SMU1: variants seen among roughly 807,000 people sequenced by gnomAD.
SMU1 encodes the protein WD40 repeat-containing protein SMU1.
Under a neutral mutation model 62.0 loss-of-function variants are expected in SMU1, and 2 were observed. That is an observed-to-expected ratio of 0.03 (90% CI 0.01 to 0.10). The LOEUF is 0.10. Ranked by LOEUF, SMU1 falls within the 10% of genes least tolerant of loss-of-function variation. The pLI is 1.00. For missense variants in SMU1, 227 were observed against 622.1 expected, an observed-to-expected ratio of 0.36 and a Z score of 6.76; for synonymous variants, 188 against 212.4, an observed-to-expected ratio of 0.89 and a Z score of 1.00.
rs758515432 is a variant in SMU1, at chr9:33,076,613, G to C, written c.-5C>G. On this transcript the variant is annotated 5_prime_UTR_variant, in exon 1 of 12. Transcript: ENST00000397149. ...AGATTCGATTTCGATCGACATAGCC[G>C]TATCTCTCCGGGAGCAGGCCCCAGC... is the stretch of plus-strand genomic sequence containing the variant. The C allele has an allele frequency of 1.2e-6, 2 of 1,613,750 alleles. No homozygotes were observed. The highest frequency in any genetic ancestry group is 1.3e-5 in the African/African-American group (1 of 74,928).
intron 10 of SMU1, among the ~76,000 whole-genome samples, chr9:33,049,934 C>T (rs1839225220): frequency 6.6e-6 from 1 of 151,772 alleles, no homozygotes; most frequent in Non-Finnish European, 1.5e-5. Context: ...CAAGACCCTG[C>T]CTCAAAAACA....
chr9:33,068,736 C>A, intron 4 of SMU1, 88 bp downstream of exon 4: 1 of 1,477,586 alleles, frequency 6.8e-7, no homozygotes, highest in Non-Finnish European at 9.2e-7. Context: ...AACTACTAGG[C>A]TCAAGTGATT....
At chr9:33,072,960 G>T (rs1409106072) in intron 2 of SMU1, among the ~76,000 whole-genome samples, 1 of 151,336 alleles carries the variant, frequency 6.6e-6, no homozygotes, top group Non-Finnish European at 1.5e-5. Flanking sequence ...TCTGATCTTT[G>T]TCCTAGGTTC....
chr9:33,070,157 T>C (rs1323414942), intron 3 of SMU1, among the ~76,000 whole-genome samples: 1 of 151,892 alleles, frequency 6.6e-6, no homozygotes, highest in Non-Finnish European at 1.5e-5. Context: ...ACCCAGAATA[T>C]ATAAGGAGCT....
At chr9:33,056,311 C>A in intron 8 of SMU1, 72 bp from the exon 9 acceptor site, 1 of 1,416,302 alleles carries the variant, frequency 7.1e-7, no homozygotes. Context: ...CGATTGAATG[C>A]ATTTTAGATA....
chr9:33,064,228 C>T (rs1003713530), intron 4 of SMU1, among the ~76,000 whole-genome samples: 1 of 152,122 alleles, frequency 6.6e-6, no homozygotes, highest in Admixed American at 6.5e-5. Context: ...TTCCAAGTAG[C>T]TGTGACTATG....
intron 4 of SMU1, among the ~76,000 whole-genome samples, chr9:33,064,929 C>G (rs7036559): frequency 0.42 from 63,197 of 151,570 alleles, 13,393 homozygotes; most frequent in African/African-American, 0.48. Context: ...TTTTAGTAGA[C>G]ACAAGGTTTC....
intron 5 of SMU1, 98 bp from the exon 6 acceptor site, chr9:33,060,682 G>T: frequency 6.8e-7 from 1 of 1,480,950 alleles, no homozygotes; most frequent in East Asian, 2.3e-5. Flanking sequence ...CTAGCATAAA[G>T]TCATAGCTGG....
intron 4 of SMU1, 65 bp downstream of exon 4, chr9:33,068,759 C>T: frequency 6.4e-7 from 1 of 1,569,074 alleles, no homozygotes; most frequent in Non-Finnish European, 8.7e-7. Flanking sequence ...CCTGCCTCAG[C>T]CTCCCAAAGT....
intron 6 of SMU1, among the ~76,000 whole-genome samples, chr9:33,059,395 T>C (rs113083408): frequency 2.0e-5 from 3 of 150,916 alleles, no homozygotes; most frequent in Non-Finnish European, 4.4e-5. Flanking sequence ...GAGTAACTTT[T>C]TGTTTTTTTG....
At chr9:33,072,383 T>C (rs1839496552) in intron 2 of SMU1, among the ~76,000 whole-genome samples, 1 of 152,134 alleles carries the variant, frequency 6.6e-6, no homozygotes, top group South Asian at 2.1e-4. Context: ...CTATCCTTCA[T>C]TTTTATCTAC....
intron 3 of SMU1, 132 bp downstream of exon 3, chr9:33,071,608 G>A (rs1321553972): frequency 1.1e-6 from 1 of 910,290 alleles, no homozygotes; most frequent in Non-Finnish European, 1.6e-6. Flanking sequence ...TATAAACAGA[G>A]AAGCATCATT....
At chr9:33,050,905 A>G (rs1172474767) in intron 10 of SMU1, among the ~76,000 whole-genome samples, 13 of 123,916 alleles carry the variant, frequency 1.0e-4, no homozygotes, top group African/African-American at 3.5e-4. Context: ...GCGGATCACG[A>G]GGTCAGGAGA....
intron 10 of SMU1, among the ~76,000 whole-genome samples, chr9:33,050,740 C>T (rs979589737): frequency 6.8e-6 from 1 of 146,752 alleles, no homozygotes; most frequent in African/African-American, 2.5e-5. Context: ...GCAGGAGAAT[C>T]GCTCGAACCC....
At position 33,047,005 on chromosome 9, in the gene SMU1, G is replaced by A. The variant is rs1261282327; in HGVS notation, c.*288C>T. The A allele has an allele frequency of 1.2e-5, 3 of 254,698 alleles. No homozygotes were observed. The highest frequency in any genetic ancestry group is 2.2e-5 in the Non-Finnish European group (3 of 135,308). The allele number at this position is 254,698 out of a possible 1,614,324, so 15.8% of individuals were successfully genotyped here. A position where few individuals can be genotyped will look rare whatever the true frequency, so the allele number is the denominator to read the frequency against. ...TCCTCAGCATTTCAAATAATCAGAG[G>A]AGTAGAATTTTTTTCTAGAAATATC... On this transcript the variant is annotated 3_prime_UTR_variant, in exon 12 of 12. Transcript: ENST00000397149.
At chr9:33,068,568 G>A (rs1232823092) in intron 4 of SMU1, among the ~76,000 whole-genome samples, 2 of 152,016 alleles carry the variant, frequency 1.3e-5, no homozygotes, top group Admixed American at 1.3e-4. Flanking sequence ...GAGTATAATG[G>A]CATGATCATA....
intron 2 of SMU1, among the ~76,000 whole-genome samples, chr9:33,072,834 AAAAAC>A (rs992224315): frequency 1.3e-5 from 2 of 151,700 alleles, no homozygotes; most frequent in African/African-American, 2.4e-5. Flanking sequence ...GTCTCAAAAA[AAAAAC>A]AAAAAAAAAA....
intron 3 of SMU1, 67 bp from the exon 4 acceptor site, chr9:33,069,001 A>T (rs1207924199): frequency 1.9e-6 from 3 of 1,559,356 alleles, no homozygotes; most frequent in Non-Finnish European, 2.6e-6. Context: ...TGCTTATTTA[A>T]AACAAACAAG....
intron 3 of SMU1, among the ~76,000 whole-genome samples, chr9:33,070,087 T>C (rs1839470273): frequency 6.6e-6 from 1 of 152,142 alleles, no homozygotes; most frequent in South Asian, 2.1e-4. Context: ...ATCACGCCAC[T>C]GCACTCCAGC....
Sources: allele counts gnomAD v4.1 joint callset (sites outside exome capture counted in the v4.1 genomes callset), GRCh38; gene constraint gnomAD v4.1.1; transcripts MANE v1.5; gene names NCBI Gene and HGNC (gene_info 2026-07-23, HGNC 2026-07-21).